Variants in SLC16A3 observed in about 807,000 individuals in gnomAD.
The protein encoded by SLC16A3 is monocarboxylate transporter 4.
In SLC16A3, 22 loss-of-function variants were observed where a neutral mutation model predicts 25.0. The ratio of observed to expected loss-of-function variants is 0.88; its 90% confidence interval spans 0.63 to 1.26. SLC16A3 has a LOEUF of 1.26. Among genes scored for constraint, SLC16A3 ranks in the 50% most tolerant of loss-of-function variants. The pLI, the probability that SLC16A3 is intolerant of heterozygous loss-of-function variation, is 0.00. For missense variants in SLC16A3, 731 were observed against 666.6 expected (o/e 1.10, Z -1.06); for synonymous variants, 390 against 309.2 (o/e 1.26, Z -2.74).
rs552266363 is a variant in SLC16A3, at chr17:82,238,799, C to A, written c.1221C>A (p.Phe407Leu). 1 of 1,612,764 alleles carries A rather than the reference C, an allele frequency of 6.2e-7. No individual in the cohort carries two copies. The highest frequency in any genetic ancestry group is 8.5e-7 in the Non-Finnish European group (1 of 1,179,972). ...TSSLILLLGN[F>L]FCIRKKPKEP... ...CCCTGATTTTGCTGCTGGGCAACTT[C>A]TTCTGCATTAGGAAGAAGCCCAAAG... The change falls in exon 5 of 5, where the codon TTC (phenylalanine) becomes TTA (leucine). Residue 407 changes from phenylalanine (F) to leucine (L), a missense_variant. Physicochemically the swap from Phe to Leu is conservative, Grantham distance 22. Coordinates refer to ENST00000582743, the MANE Select transcript of SLC16A3 (RefSeq NM_004207.4).
chr17:82,218,905 G>T (rs563546125), intron 1 of SLC16A3, among the ~76,000 whole-genome samples: 1 of 152,302 alleles, frequency 6.6e-6, no homozygotes, highest in East Asian at 1.9e-4. Flanking sequence ...GCCGCCGGGG[G>T]CACCGCTAGG....
Position 82,240,047 on chromosome 17 carries a change from C to T in SLC16A3, c.*1071C>T, listed in dbSNP as rs1599565643. The T allele has an allele frequency of 8.1e-7, 1 of 1,233,822 alleles. No individual in the cohort carries two copies. Among genetic ancestry groups the T allele is most frequent in the Non-Finnish European group, 1.0e-6 (1 of 987,896 alleles). The allele number at this position is 1,233,822 out of a possible 1,614,324, so 76.4% of individuals were successfully genotyped here. A position where few individuals can be genotyped will look rare whatever the true frequency, so the allele number is the denominator to read the frequency against. Reference sequence around the variant, plus strand: ...CGGGCCGCGTGCAGCCGGAGAGATGCCATGTCCCTGCTCCTCTGCAATGAA... The same window carrying T: ...CGGGCCGCGTGCAGCCGGAGAGATGTCATGTCCCTGCTCCTCTGCAATGAA... On this transcript the variant is annotated 3_prime_UTR_variant, in exon 5 of 5. Transcript: ENST00000582743.
chr17:82,233,320 G>C (rs1419349047), intron 1 of SLC16A3, among the ~76,000 whole-genome samples: 2 of 152,164 alleles, frequency 1.3e-5, no homozygotes, highest in African/African-American at 4.8e-5. Context: ...GCCTCATCTT[G>C]ACACAGAAGA....
intron 2 of SLC16A3, chr17:82,236,490 G>C (rs1391960437): frequency 6.3e-6 from 4 of 633,200 alleles, no homozygotes; most frequent in Non-Finnish European, 1.1e-5. Flanking sequence ...AGGCTCCTGA[G>C]AGCCGTTCCT....
chr17:82,218,694 T>G (rs2050371051), intron 1 of SLC16A3, among the ~76,000 whole-genome samples: 1 of 152,126 alleles, frequency 6.6e-6, no homozygotes, highest in Admixed American at 6.5e-5. Flanking sequence ...CGGCCAGGGC[T>G]AGAGCATAAA....
At chr17:82,218,927 A>G (rs1023695181) in intron 1 of SLC16A3, among the ~76,000 whole-genome samples, 3 of 152,138 alleles carry the variant, frequency 2.0e-5, no homozygotes, top group African/African-American at 7.2e-5. Context: ...CTTGGGGACC[A>G]CGGGACTTGC....
rs1442026598 is a variant in SLC16A3 at position 82,236,244 on chromosome 17, T to C, written c.223+13T>C. On this transcript the variant is annotated intron_variant, in intron 2 of 4. Coordinates refer to ENST00000582743, the MANE Select transcript of SLC16A3 (RefSeq NM_004207.4). ...CTCTACGGGACAGGTGAGGGTGGCC[T>C]CACACCGGGCCCCCTGTCCGGGGCT... The C allele has an allele frequency of 3.7e-6, 6 of 1,609,082 alleles. No individual in the cohort carries two copies. The highest frequency in any genetic ancestry group is 5.1e-6 in the Non-Finnish European group (6 of 1,176,996).
At chr17:82,220,801 A>T (rs2050384381) in intron 1 of SLC16A3, among the ~76,000 whole-genome samples, 2 of 152,026 alleles carry the variant, frequency 1.3e-5, no homozygotes, top group African/African-American at 4.8e-5. Context: ...AGAAGAAAGC[A>T]TAATTAATTA....
rs564772810 is a variant in SLC16A3 at position 82,232,780 on chromosome 17, C to A, written c.-26-3203C>A. On this transcript the variant is annotated intron_variant, in intron 1 of 4. Transcript: ENST00000582743. ...CCACCCACCCCTGCCCCAGGCCTCC[C>A]GCTCAGCTTCCAGCAGCCTGGGGTC... Among the ~76,000 whole-genome samples, 8 of 152,304 alleles carry A rather than the reference C, an allele frequency of 5.3e-5. No homozygotes were observed. In the South Asian group the frequency reaches 6.2e-4, roughly 12 times the overall value.
At chr17:82,222,259 G>A (rs539090022) in intron 1 of SLC16A3, among the ~76,000 whole-genome samples, 1 of 132,656 alleles carries the variant, frequency 7.5e-6, no homozygotes, top group Non-Finnish European at 1.6e-5. Flanking sequence ...GAGGAGCGTC[G>A]CCCTGGGACC....
intron 1 of SLC16A3, among the ~76,000 whole-genome samples, chr17:82,233,013 A>C (rs2050525541): frequency 1.3e-5 from 2 of 151,778 alleles, no homozygotes; most frequent in African/African-American, 4.8e-5. Flanking sequence ...TGCTCCAGGC[A>C]GGACAGCCCC....
intron 1 of SLC16A3, among the ~76,000 whole-genome samples, chr17:82,222,410 CA>C (rs2050394892): frequency 6.6e-6 from 1 of 152,242 alleles, no homozygotes; most frequent in Non-Finnish European, 1.5e-5. Context: ...CCACTGTTCA[CA>C]ACAGCCAAAA....
At chr17:82,235,308 C>CA (rs1158564702) in intron 1 of SLC16A3, 1 of 153,786 alleles carries the variant, frequency 6.5e-6, no homozygotes, top group African/African-American at 2.4e-5. Context: ...GACAAGGGGC[C>CA]AGCTCTGCCC....
At chr17:82,227,452 G>A (rs866125742), upstream of SLC16A3, among the ~76,000 whole-genome samples, 6 of 152,038 alleles carry the variant, frequency 3.9e-5, no homozygotes, top group African/African-American at 1.2e-4. Flanking sequence ...CGGTACCCTC[G>A]CCTCCCCGGC....
chr17:82,219,009 G>C (rs1455001088), intron 1 of SLC16A3, among the ~76,000 whole-genome samples: 1 of 152,188 alleles, frequency 6.6e-6, no homozygotes. Context: ...GCAGGACTGA[G>C]GGTCTCGGAG....
Position 82,237,166 on chromosome 17 carries a change from C to T in SLC16A3, c.396C>T (p.Pro132=). Residue 132 remains proline, a synonymous_variant, in exon 4 of 5, where the codon CCC becomes CCT. Transcript: ENST00000582743. The part of the protein sequence containing the change: ...TGLGLALNFQ[P]SLIMLNRYFS... Reference sequence around the variant, plus strand: ...TGGGTTTGGCACTCAACTTCCAGCCCTCGCTCATCATGCTGAACCGCTACT... The same window carrying T: ...TGGGTTTGGCACTCAACTTCCAGCCTTCGCTCATCATGCTGAACCGCTACT... 6.6e-7 allele frequency: 1 copy of T among 1,515,150 alleles called. No individual in the cohort carries two copies. 93.9% of individuals were successfully genotyped at this position (1,515,150 alleles called of 1,614,324 possible). A position where few individuals can be genotyped will look rare whatever the true frequency, so the allele number is the denominator to read the frequency against.
upstream of SLC16A3, among the ~76,000 whole-genome samples, chr17:82,228,151 A>G (rs2050439255): frequency 6.6e-6 from 1 of 152,252 alleles, no homozygotes; most frequent in Admixed American, 6.5e-5. Flanking sequence ...TCCTTGGTCC[A>G]GGCCAACAAA....
In SLC16A3 at chr17:82,239,129, G is replaced by C. The variant is rs2050698944; in HGVS notation, c.*153G>C. 1 of 710,778 alleles carries C rather than the reference G, an allele frequency of 1.4e-6. No individual in the cohort carries two copies. The highest frequency in any genetic ancestry group is 3.3e-5 in the Admixed American group (1 of 30,080). The allele number at this position is 710,778 out of a possible 1,614,324, so 44.0% of individuals were successfully genotyped here. A position where few individuals can be genotyped will look rare whatever the true frequency, so the allele number is the denominator to read the frequency against. The stretch of plus-strand genomic sequence containing the variant: ...GTCGCCCGATCAGTGTTTTGAGGGG[G>C]AAGGTGGCGGGGTGGGAACCGTGTC... On this transcript the variant is annotated 3_prime_UTR_variant, in exon 5 of 5. Transcript: ENST00000582743.
upstream of SLC16A3, among the ~76,000 whole-genome samples, chr17:82,225,689 A>G (rs2050417400): frequency 6.6e-6 from 1 of 152,216 alleles, no homozygotes; most frequent in East Asian, 1.9e-4. Flanking sequence ...TGGGGCGGCA[A>G]CTGGTGCTGG....
Sources: allele counts gnomAD v4.1 joint callset (sites outside exome capture counted in the v4.1 genomes callset), GRCh38; gene constraint gnomAD v4.1.1; transcripts MANE v1.5; gene names NCBI Gene and HGNC (gene_info 2026-07-23, HGNC 2026-07-21).